SNX29: variants seen among roughly 807,000 people sequenced by gnomAD.
SNX29 encodes the protein sorting nexin-29.
SNX29 carries 78 observed loss-of-function variants against 102.1 expected under a neutral mutation model. That is an observed-to-expected ratio of 0.76 (90% confidence interval 0.64 to 0.92). SNX29 has a LOEUF of 0.92. Among genes scored for constraint, SNX29 ranks in the 40% least tolerant of loss-of-function variants. SNX29 has a pLI of 0.00. For missense variants in SNX29, 1,280 were observed against 1,061.7 expected (o/e 1.21, Z -2.86); for synonymous variants, 580 against 414.5 (o/e 1.40, Z -4.85).
intron 20 of SNX29, among the ~76,000 whole-genome samples, chr16:12,557,976 TAAG>T (rs1444075222): frequency 1.3e-5 from 2 of 152,098 alleles, no homozygotes; most frequent in African/African-American, 4.8e-5. Context: ...GTCTTCTGCT[TAAG>T]ATTTTAGCCA....
chr16:12,139,776 C>T (rs574082941), intron 13 of SNX29, among the ~76,000 whole-genome samples: 4 of 151,828 alleles, frequency 2.6e-5, no homozygotes, highest in Non-Finnish European at 5.9e-5. Flanking sequence ...AGCTTGAGCC[C>T]AGGAGACCAG....
intron 13 of SNX29, among the ~76,000 whole-genome samples, chr16:12,148,731 C>T (rs1187183803): frequency 1.3e-5 from 2 of 152,108 alleles, no homozygotes; most frequent in East Asian, 3.9e-4. Flanking sequence ...GCATCTCGCT[C>T]TTGTTGCCCA....
intron 11 of SNX29, among the ~76,000 whole-genome samples, chr16:12,114,689 C>T (rs1277630078): frequency 1.3e-5 from 2 of 151,884 alleles, no homozygotes; most frequent in South Asian, 2.1e-4. Flanking sequence ...TGGGTTCAAG[C>T]GATTCTCCTG....
chr16:12,537,128 A>C (rs1238479863), intron 20 of SNX29, among the ~76,000 whole-genome samples: 1 of 152,148 alleles, frequency 6.6e-6, no homozygotes, highest in Non-Finnish European at 1.5e-5. Flanking sequence ...CTGTTGGTGA[A>C]ATGGATCTCA....
At chr16:12,364,467 C>T (rs1308144420) in intron 16 of SNX29, among the ~76,000 whole-genome samples, 1 of 147,698 alleles carries the variant, frequency 6.8e-6, no homozygotes, top group East Asian at 2.0e-4. Context: ...TTATGTTTTT[C>T]CCCTTTGGTA....
chr16:12,020,988 T>A (rs2057002060), intron 3 of SNX29, among the ~76,000 whole-genome samples: 2 of 152,210 alleles, frequency 1.3e-5, no homozygotes, highest in African/African-American at 2.4e-5. Context: ...ATCTGAGATA[T>A]GGCTCATACT....
chr16:11,976,745 G>A lies in SNX29; in HGVS notation c.-62G>A. Reference sequence around the variant, plus strand: ...CTGTCTCCCGGCCTGTCTGGAGCTCGGCAGCCGCAGAAGCGGCAGCGGCGG... The same window carrying A: ...CTGTCTCCCGGCCTGTCTGGAGCTCAGCAGCCGCAGAAGCGGCAGCGGCGG... On this transcript the variant is annotated 5_prime_UTR_variant, in exon 1 of 21. Transcript: ENST00000566228. 8.2e-7 allele frequency: 1 copy of A among 1,220,834 alleles called. No homozygotes were observed. Among genetic ancestry groups the A allele is most frequent in the Non-Finnish European group, 1.0e-6 (1 of 953,070 alleles). The allele number at this position is 1,220,834 out of a possible 1,614,324, so 75.6% of individuals were successfully genotyped here.
intron 18 of SNX29, among the ~76,000 whole-genome samples, chr16:12,434,880 A>G (rs531716870): frequency 2.0e-5 from 3 of 150,350 alleles, no homozygotes; most frequent in Non-Finnish European, 4.4e-5. Context: ...GACGTTACAG[A>G]CGTCTGTTAC....
intron 3 of SNX29, among the ~76,000 whole-genome samples, chr16:12,022,170 G>T (rs1334623707): frequency 2.8e-5 from 4 of 140,546 alleles, no homozygotes; most frequent in African/African-American, 1.1e-4. Context: ...ACAATTCAGT[G>T]ATTTTTTTTT....
Position 12,517,644 on chromosome 16 carries a change from C to T in SNX29, c.2179-7058C>T, listed in dbSNP as rs1035361449. 9.2e-5 allele frequency among the ~76,000 whole-genome samples: 14 copies of T among 152,144 alleles called. 1 individual carries two copies. The highest frequency in any genetic ancestry group is 5.9e-4 in the Admixed American group (9 of 15,280). Reference sequence around the variant, plus strand: ...GATCTCCAGGCGCTGTGATAGGCTCCGGCGATAAAGGGATGAACCAGACAG... The same window carrying T: ...GATCTCCAGGCGCTGTGATAGGCTCTGGCGATAAAGGGATGAACCAGACAG... On this transcript the variant is annotated intron_variant, in intron 19 of 20. Coordinates refer to ENST00000566228, the MANE Select transcript of SNX29 (RefSeq NM_032167.5).
At chr16:12,373,334 G>A (rs914680602) in intron 16 of SNX29, among the ~76,000 whole-genome samples, 17 of 152,132 alleles carry the variant, frequency 1.1e-4, no homozygotes, top group African/African-American at 3.9e-4. Context: ...TTCACTATAT[G>A]GCCCAGGCTG....
At chr16:12,222,479 G>C (rs1312450466) in intron 14 of SNX29, among the ~76,000 whole-genome samples, 1 of 152,204 alleles carries the variant, frequency 6.6e-6, no homozygotes, top group Non-Finnish European at 1.5e-5. Context: ...ACATTCAGTT[G>C]GGGCAGCTTC....
intron 16 of SNX29, among the ~76,000 whole-genome samples, chr16:12,376,735 T>TAAAAA (rs1295089508): frequency 7.7e-5 from 1 of 12,948 alleles, no homozygotes; most frequent in African/African-American, 1.9e-4. Context: ...AGACTCTGTC[T>TAAAAA]CAAAAAAAAA....
chr16:12,210,242 G>A (rs2077147555), intron 14 of SNX29, among the ~76,000 whole-genome samples: 1 of 152,090 alleles, frequency 6.6e-6, no homozygotes, highest in African/African-American at 2.4e-5. Flanking sequence ...GGAGGCACAT[G>A]CCTTTACTTG....
intron 13 of SNX29, among the ~76,000 whole-genome samples, chr16:12,165,743 C>T (rs1055719371): frequency 2.0e-5 from 3 of 152,182 alleles, no homozygotes; most frequent in African/African-American, 7.2e-5. Flanking sequence ...TTTGTGTGTT[C>T]AGTGGAGACG....
intron 13 of SNX29, among the ~76,000 whole-genome samples, chr16:12,150,664 G>A (rs2055260191): frequency 6.6e-6 from 1 of 152,216 alleles, no homozygotes. Flanking sequence ...GAGATAGTGT[G>A]CGTGAGCTGC....
At chr16:12,435,582 G>C (rs1336028815) in intron 18 of SNX29, among the ~76,000 whole-genome samples, 2 of 152,210 alleles carry the variant, frequency 1.3e-5, no homozygotes, top group Non-Finnish European at 2.9e-5. Flanking sequence ...ACACAGTCTA[G>C]AAAACACCAG....
chr16:12,020,450 C>G (rs780182574), intron 3 of SNX29, among the ~76,000 whole-genome samples: 1 of 151,972 alleles, frequency 6.6e-6, no homozygotes, highest in Non-Finnish European at 1.5e-5. Context: ...GATCTGCCCA[C>G]CTCGGCCTCC....
At chr16:12,433,582 G>T (rs1229880451) in intron 18 of SNX29, among the ~76,000 whole-genome samples, 2 of 146,408 alleles carry the variant, frequency 1.4e-5, no homozygotes, top group African/African-American at 5.0e-5. Flanking sequence ...AGTGAGCCGA[G>T]ATCATGCCAC....
Sources: allele counts gnomAD v4.1 joint callset (sites outside exome capture counted in the v4.1 genomes callset), GRCh38; gene constraint gnomAD v4.1.1; transcripts MANE v1.5; gene names NCBI Gene and HGNC (gene_info 2026-07-23, HGNC 2026-07-21).